Variants in DEPTOR observed in about 807,000 individuals in gnomAD.
DEPTOR encodes DEP domain-containing mTOR-interacting protein.
A neutral mutation model predicts 41.6 loss-of-function variants in DEPTOR; 41 were observed. That is an observed-to-expected ratio of 0.98 (90% CI 0.77 to 1.28). The LOEUF (loss-of-function observed/expected upper bound fraction) is 1.28. Among genes scored for constraint, DEPTOR ranks in the 50% most tolerant of loss-of-function variants. The pLI is 0.00. For synonymous variants in DEPTOR, 195 were observed against 192.3 expected, an observed-to-expected ratio of 1.01 and a Z score of -0.12; for missense variants, 514 against 527.9, an observed-to-expected ratio of 0.97 and a Z score of 0.26.
chr8:119,918,024 T>C (rs1827837055), intron 1 of DEPTOR, among the ~76,000 whole-genome samples: 1 of 152,164 alleles, frequency 6.6e-6, no homozygotes, highest in African/African-American at 2.4e-5. Context: ...GCTGACCCTC[T>C]CTCCACTATT....
rs918175462 is a variant in DEPTOR at position 119,929,957 on chromosome 8, C to A, written c.425+19C>A. Reference sequence around the variant, plus strand: ...ATGAAAAGTATGTTCCGCATGAAATCCCCCCTGTAATCTTGACTTATAGAA... The same window carrying A: ...ATGAAAAGTATGTTCCGCATGAAATACCCCCTGTAATCTTGACTTATAGAA... On this transcript the variant is annotated intron_variant, in intron 3 of 8. Transcript: ENST00000286234. 6.2e-7 allele frequency: 1 copy of A among 1,601,444 alleles called. No homozygotes were observed. The highest frequency in any genetic ancestry group is 8.5e-7 in the Non-Finnish European group (1 of 1,171,232).
chr8:119,894,295 G>C (rs1237644650), intron 1 of DEPTOR, among the ~76,000 whole-genome samples: 2 of 152,038 alleles, frequency 1.3e-5, no homozygotes, highest in African/African-American at 4.8e-5. Context: ...CAAACTCCTG[G>C]GCTCAAGCGA....
chr8:119,998,383 G>A (rs752850802), intron 4 of DEPTOR, among the ~76,000 whole-genome samples: 91 of 152,198 alleles, frequency 6.0e-4, no homozygotes, highest in Middle Eastern at 3.2e-3. Context: ...ACCGCACCTG[G>A]CCTCATTGTG....
intron 1 of DEPTOR, among the ~76,000 whole-genome samples, chr8:119,926,189 C>T (rs1190985451): frequency 2.0e-5 from 3 of 152,096 alleles, no homozygotes; most frequent in African/African-American, 7.2e-5. Flanking sequence ...CTTTACAGTT[C>T]CCATTTCCTA....
At chr8:120,029,625 A>G (rs547203453) in intron 8 of DEPTOR, among the ~76,000 whole-genome samples, 1 of 152,098 alleles carries the variant, frequency 6.6e-6, no homozygotes, top group Non-Finnish European at 1.5e-5. Context: ...TGAATTCTTG[A>G]CCCCAGGTGA....
chr8:119,884,893 A>G (rs1827344513), intron 1 of DEPTOR, among the ~76,000 whole-genome samples: 1 of 151,988 alleles, frequency 6.6e-6, no homozygotes, highest in South Asian at 2.1e-4. Context: ...CTTGTGCCTC[A>G]GCTTCCTGAG....
intron 5 of DEPTOR, 114 bp from the exon 6 acceptor site, chr8:120,002,863 T>C: frequency 8.3e-7 from 1 of 1,205,118 alleles, no homozygotes; most frequent in Non-Finnish European, 1.1e-6. Context: ...TTTCTGCCAC[T>C]AAGACCAGTG....
chr8:119,983,284 T>C (rs1254286718), intron 4 of DEPTOR, among the ~76,000 whole-genome samples: 1 of 152,040 alleles, frequency 6.6e-6, no homozygotes, highest in Non-Finnish European at 1.5e-5. Flanking sequence ...GGAGTCTTTC[T>C]GTGTCTCCCA....
chr8:119,905,029 A>AACTTTTGTCCT (rs1827644797), intron 1 of DEPTOR, among the ~76,000 whole-genome samples: 1 of 106,172 alleles, frequency 9.4e-6, no homozygotes, highest in African/African-American at 4.0e-5. Context: ...GCTGGTTTTT[A>AACTTTTGTCCT]ACTTTTGTCC....
At chr8:119,902,621 G>A (rs1356025112) in intron 1 of DEPTOR, among the ~76,000 whole-genome samples, 1 of 152,178 alleles carries the variant, frequency 6.6e-6, no homozygotes, top group Non-Finnish European at 1.5e-5. Flanking sequence ...TTACAGGTGT[G>A]AGCCACCATG....
chr8:119,966,238 G>A (rs2129971184), intron 4 of DEPTOR, among the ~76,000 whole-genome samples: 1 of 152,308 alleles, frequency 6.6e-6, no homozygotes, highest in South Asian at 2.1e-4. Flanking sequence ...GCTGAGGTGG[G>A]TGGATCACCT....
At chr8:119,885,182 A>AT (rs1221985823) in intron 1 of DEPTOR, among the ~76,000 whole-genome samples, 1 of 151,804 alleles carries the variant, frequency 6.6e-6, no homozygotes, top group Non-Finnish European at 1.5e-5. Context: ...AGCGCTACTT[A>AT]TTTTTTCTCT....
intron 3 of DEPTOR, among the ~76,000 whole-genome samples, chr8:119,934,592 G>A (rs1267554964): frequency 1.3e-5 from 2 of 152,194 alleles, no homozygotes; most frequent in African/African-American, 4.8e-5. Flanking sequence ...AGGCTGTTGG[G>A]AGGACTGACC....
chr8:119,891,990 T>TTTTCG (rs1427379540), intron 1 of DEPTOR, among the ~76,000 whole-genome samples: 1 of 151,988 alleles, frequency 6.6e-6, no homozygotes, highest in African/African-American at 2.4e-5. Flanking sequence ...GTTTTTTTGT[T>TTTTCG]TTTTGTTTTG....
chr8:119,874,280 C>CG (rs1401186836), intron 1 of DEPTOR: 7 of 374,228 alleles, frequency 1.9e-5, no homozygotes, highest in Middle Eastern at 7.7e-4. Flanking sequence ...TCCGTCTTCC[C>CG]GTGTACCTGG....
chr8:119,894,830 T>C (rs1169656898), intron 1 of DEPTOR, among the ~76,000 whole-genome samples: 1 of 152,202 alleles, frequency 6.6e-6, no homozygotes, highest in Non-Finnish European at 1.5e-5. Flanking sequence ...ACAAAGACAA[T>C]ACTTATTTAT....
intron 8 of DEPTOR, among the ~76,000 whole-genome samples, chr8:120,030,118 G>T (rs183411348): frequency 6.7e-4 from 102 of 152,200 alleles, no homozygotes; most frequent in African/African-American, 2.4e-3. Context: ...TAAGCCTGGG[G>T]GTGCATGGGT....
chr8:120,016,705 C>T (rs1026302756), intron 8 of DEPTOR, among the ~76,000 whole-genome samples: 1 of 151,746 alleles, frequency 6.6e-6, no homozygotes, highest in African/African-American at 2.4e-5. Flanking sequence ...TGAGCTCAAG[C>T]GATCCTCCTG....
chr8:119,937,031 A>G (rs1828122108), intron 3 of DEPTOR, among the ~76,000 whole-genome samples: 1 of 151,964 alleles, frequency 6.6e-6, no homozygotes, highest in Admixed American at 6.6e-5. Context: ...CTAAAAAATA[A>G]TAATATAAAT....
Sources: allele counts gnomAD v4.1 joint callset (sites outside exome capture counted in the v4.1 genomes callset), GRCh38; gene constraint gnomAD v4.1.1; transcripts MANE v1.5; gene names NCBI Gene and HGNC (gene_info 2026-07-23, HGNC 2026-07-21).